CDH8: variants seen among roughly 807,000 people sequenced by gnomAD.
The protein encoded by CDH8 is cadherin-8.
A neutral mutation model predicts 68.1 loss-of-function variants in CDH8; 17 were observed. That is an observed-to-expected ratio of 0.25 (90% CI 0.17 to 0.37). CDH8 has a LOEUF of 0.37. Ranked by LOEUF, CDH8 falls within the 10% of genes least tolerant of loss-of-function variation. The probability of loss-of-function intolerance (pLI) is 1.00; values close to 1 mark genes in which losing one functional copy is unlikely to be tolerated. For synonymous variants in CDH8, 372 were observed against 365.1 expected, an observed-to-expected ratio of 1.02 and a Z score of -0.21; for missense variants, 763 against 999.3, an observed-to-expected ratio of 0.76 and a Z score of 3.19.
intron 8 of CDH8, among the ~76,000 whole-genome samples, chr16:61,787,950 C>T (rs866048070): frequency 2.3e-3 from 105 of 45,500 alleles, no homozygotes; most frequent in African/African-American, 9.4e-3. Flanking sequence ...GTGGGGGGGG[C>T]GGGGGGAGGG....
At chr16:61,814,278 C>T (rs1304511090) in intron 7 of CDH8, among the ~76,000 whole-genome samples, 1 of 152,140 alleles carries the variant, frequency 6.6e-6, no homozygotes, top group East Asian at 1.9e-4. Context: ...AAATAATTTA[C>T]ACAACTTTAT....
intron 4 of CDH8, among the ~76,000 whole-genome samples, chr16:61,839,910 C>T (rs1447632038): frequency 1.3e-5 from 2 of 152,058 alleles, no homozygotes; most frequent in African/African-American, 2.4e-5. Flanking sequence ...CACTTCACTC[C>T]GTTATAACAA....
chr16:61,948,990 C>T (rs2143574320), intron 2 of CDH8, among the ~76,000 whole-genome samples: 1 of 152,274 alleles, frequency 6.6e-6, no homozygotes, highest in South Asian at 2.1e-4. Flanking sequence ...CCGTGTGTAT[C>T]TTATCTCACA....
chr16:61,677,356 A>T (rs981756456), intron 10 of CDH8, among the ~76,000 whole-genome samples: 6 of 151,454 alleles, frequency 4.0e-5, no homozygotes, highest in African/African-American at 1.5e-4. Flanking sequence ...CATGTTCCTC[A>T]AAGACTCTTC....
At chr16:61,921,299 G>A (rs1964363294) in intron 2 of CDH8, among the ~76,000 whole-genome samples, 1 of 150,972 alleles carries the variant, frequency 6.6e-6, no homozygotes, top group South Asian at 2.1e-4. Context: ...AGTGTAGCCT[G>A]ATTGTTTCAT....
At chr16:61,984,490 A>G (rs374165135) in intron 2 of CDH8, among the ~76,000 whole-genome samples, 2 of 150,378 alleles carry the variant, frequency 1.3e-5, no homozygotes, top group East Asian at 2.0e-4. Flanking sequence ...AGGTCTCACT[A>G]TGTGTGCCCA....
chr16:61,700,292 T>C (rs78195298), intron 10 of CDH8, among the ~76,000 whole-genome samples: 7 of 151,600 alleles, frequency 4.6e-5, no homozygotes, highest in Non-Finnish European at 1.0e-4. Context: ...TTTTTTTTTT[T>C]TCTTTTGAGA....
At chr16:62,027,957 G>A (rs551535503) in intron 1 of CDH8, among the ~76,000 whole-genome samples, 65 of 151,866 alleles carry the variant, frequency 4.3e-4, no homozygotes, top group African/African-American at 6.1e-4. Context: ...CAACCCTTCC[G>A]GTCATCCTTT....
At chr16:61,665,435 TAA>T (rs1301321305) in intron 10 of CDH8, among the ~76,000 whole-genome samples, 1 of 151,778 alleles carries the variant, frequency 6.6e-6, no homozygotes, top group African/African-American at 2.4e-5. Context: ...TTCTCACTCA[TAA>T]GTGGGATTTG....
In CDH8 at chr16:61,857,217, G is replaced by A; in HGVS notation, c.569C>T (p.Thr190Ile). The change falls in exon 4 of 12, where the codon ACT (threonine) becomes ATT (isoleucine). Residue 190 changes from threonine (T) to isoleucine (I), a missense_variant. Coordinates refer to ENST00000577390, the MANE Select transcript of CDH8 (RefSeq NM_001796.5). ...SILGTSVTNV[T>I]ATDADDPVYG... ...AACTGGGTCATCAGCGTCGGTCGCAGTGACGTTAGTGACAGATGTACCTAA... is the reference window on the plus strand; with the variant it reads ...AACTGGGTCATCAGCGTCGGTCGCAATGACGTTAGTGACAGATGTACCTAA... 6.2e-7 allele frequency: 1 copy of A among 1,612,440 alleles called. No homozygotes were observed. The highest frequency in any genetic ancestry group is 8.5e-7 in the Non-Finnish European group (1 of 1,178,666).
At chr16:61,829,819 C>T (rs1172739782) in intron 4 of CDH8, among the ~76,000 whole-genome samples, 1 of 151,844 alleles carries the variant, frequency 6.6e-6, no homozygotes, top group Non-Finnish European at 1.5e-5. Flanking sequence ...TGCCTCTAGT[C>T]TCAACCCCAT....
At chr16:61,837,862 A>G (rs118059789) in intron 4 of CDH8, among the ~76,000 whole-genome samples, 310 of 152,138 alleles carry the variant, frequency 2.0e-3, no homozygotes, top group Non-Finnish European at 3.2e-3. Flanking sequence ...GCAGAGGGGA[A>G]TAGATCTCTA....
intron 3 of CDH8, among the ~76,000 whole-genome samples, chr16:61,888,295 T>C (rs1434730819): frequency 6.6e-6 from 1 of 152,178 alleles, no homozygotes; most frequent in African/African-American, 2.4e-5. Context: ...CAGATATAGA[T>C]AGGCTCCACT....
Position 61,674,455 on chromosome 16 carries a change from CAA to C in CDH8, c.1655-18736_1655-18735del, listed in dbSNP as rs34845219. 9.9e-3 allele frequency among the ~76,000 whole-genome samples: 1,187 copies of C among 119,578 alleles called. 15 individuals are homozygous for C. The highest frequency in any genetic ancestry group is 0.031 in the African/African-American group (1,042 of 33,392). 78.4% of individuals were successfully genotyped at this position (119,578 alleles called of 152,430 possible). A position where few individuals can be genotyped will look rare whatever the true frequency, so the allele number is the denominator to read the frequency against. ...GGTGACAGTGCAAGACTCCAACTCA[CAA>C]AAAAAAAAAAAAAACCCTCACACTG... is the stretch of plus-strand genomic sequence containing the variant. On this transcript the variant is annotated intron_variant, in intron 10 of 11. Coordinates refer to ENST00000577390, the MANE Select transcript of CDH8 (RefSeq NM_001796.5).
At chr16:61,798,923 A>T (rs980491965) in intron 7 of CDH8, among the ~76,000 whole-genome samples, 1 of 152,236 alleles carries the variant, frequency 6.6e-6, no homozygotes. Context: ...AATATTAGCA[A>T]AAGATGACTA....
chr16:61,865,460 T>A (rs1470542432), intron 3 of CDH8, among the ~76,000 whole-genome samples: 1 of 152,120 alleles, frequency 6.6e-6, no homozygotes. Flanking sequence ...GTGCATTGGG[T>A]GAGAGAAATG....
intron 8 of CDH8, among the ~76,000 whole-genome samples, chr16:61,763,458 T>A (rs1244014897): frequency 6.6e-6 from 1 of 152,168 alleles, no homozygotes; most frequent in Non-Finnish European, 1.5e-5. Context: ...GATCCTCTCA[T>A]GTAAATCACA....
chr16:61,766,153 C>G (rs914885819), intron 8 of CDH8, among the ~76,000 whole-genome samples: 3 of 151,660 alleles, frequency 2.0e-5, no homozygotes, highest in African/African-American at 7.3e-5. Context: ...CACCCTACCC[C>G]CTTCTGAGTT....
chr16:61,772,811 C>G (rs1417658023), intron 8 of CDH8, among the ~76,000 whole-genome samples: 2 of 151,994 alleles, frequency 1.3e-5, no homozygotes, highest in African/African-American at 4.8e-5. Context: ...TCCTGGCCAG[C>G]AAGCTATGCT....
Sources: gnomAD v4.1 joint callset for allele counts (sites outside exome capture counted in the v4.1 genomes callset) on GRCh38, gnomAD v4.1.1 for gene constraint, MANE v1.5 for transcripts, NCBI Gene and HGNC (gene_info 2026-07-23, HGNC 2026-07-21) for gene names.